MGLL: variants seen among roughly 807,000 people sequenced by gnomAD.
MGLL encodes monoglyceride lipase, also known as lysophospholipase homolog.
In MGLL, 7 loss-of-function variants were observed where a neutral mutation model predicts 29.1. That is an observed-to-expected ratio of 0.24 (90% CI 0.14 to 0.45). The LOEUF is 0.45. MGLL is among the 20% of genes least tolerant of loss of function. The probability of loss-of-function intolerance (pLI) is 0.99; values close to 1 mark genes in which losing one functional copy is unlikely to be tolerated. For synonymous variants in MGLL, 148 were observed against 168.3 expected, an observed-to-expected ratio of 0.88 and a Z score of 0.93; for missense variants, 356 against 413.6, an observed-to-expected ratio of 0.86 and a Z score of 1.21.
intron 5 of MGLL, chr3:127,715,698 G>A (rs1013417614): frequency 5.0e-5 from 23 of 456,618 alleles, no homozygotes; most frequent in Non-Finnish European, 7.5e-5. Context: ...GCGGCATGAC[G>A]AGGAAGCAGT....
intron 5 of MGLL, among the ~76,000 whole-genome samples, chr3:127,717,926 A>G (rs1219713512): frequency 1.3e-5 from 2 of 152,188 alleles, no homozygotes; most frequent in African/African-American, 4.8e-5. Context: ...GACCTCACAA[A>G]TAGCCAGATT....
intron 2 of MGLL, among the ~76,000 whole-genome samples, chr3:127,816,429 C>T (rs918875642): frequency 2.6e-5 from 4 of 152,090 alleles, no homozygotes; most frequent in African/African-American, 7.2e-5. Context: ...TCAGGAAGGC[C>T]GTGGGGATGG....
At chr3:127,742,933 G>C (rs1393386499) in intron 3 of MGLL, among the ~76,000 whole-genome samples, 3 of 152,294 alleles carry the variant, frequency 2.0e-5, no homozygotes, top group African/African-American at 4.8e-5. Flanking sequence ...TCCTGCCTCA[G>C]CCTCTCGAGT....
At chr3:127,751,602 G>A (rs2076559957) in intron 3 of MGLL, among the ~76,000 whole-genome samples, 1 of 151,918 alleles carries the variant, frequency 6.6e-6, no homozygotes, top group Non-Finnish European at 1.5e-5. Context: ...CAGCCCAGCT[G>A]AGCCCAGACG....
intron 5 of MGLL, among the ~76,000 whole-genome samples, chr3:127,715,314 T>C (rs1477907948): frequency 6.6e-6 from 1 of 152,184 alleles, no homozygotes; most frequent in Non-Finnish European, 1.5e-5. Flanking sequence ...CCATAAGAGA[T>C]GTTTGCATAG....
chr3:127,781,609 C>G (rs1037481458), intron 3 of MGLL, among the ~76,000 whole-genome samples, 180 bp downstream of exon 3: 1 of 152,222 alleles, frequency 6.6e-6, no homozygotes, highest in Admixed American at 6.5e-5. Context: ...CAGTCTCAGA[C>G]TACAGAATCT....
At chr3:127,757,980 A>G (rs2107678241) in intron 3 of MGLL, among the ~76,000 whole-genome samples, 1 of 152,304 alleles carries the variant, frequency 6.6e-6, no homozygotes, top group East Asian at 1.9e-4. Context: ...CCTGTTTTAT[A>G]GAGGAGAAAA....
At chr3:127,790,388 G>C (rs555962053) in intron 2 of MGLL, among the ~76,000 whole-genome samples, 22 of 152,220 alleles carry the variant, frequency 1.4e-4, no homozygotes, top group Non-Finnish European at 2.8e-4. Context: ...GCATGGAGCT[G>C]TTAAGAATTT....
intron 2 of MGLL, among the ~76,000 whole-genome samples, chr3:127,804,702 A>G (rs1333083036): frequency 6.6e-6 from 1 of 152,198 alleles, no homozygotes; most frequent in African/African-American, 2.4e-5. Context: ...AACCAAATAA[A>G]ATAACCTAAG....
At chr3:127,788,867 C>CTGAA (rs1354303510) in intron 2 of MGLL, among the ~76,000 whole-genome samples, 3 of 152,172 alleles carry the variant, frequency 2.0e-5, no homozygotes, top group Non-Finnish European at 1.5e-5. Flanking sequence ...TCCATGAACA[C>CTGAA]TGAATGAATG....
chr3:127,704,183 A>G (rs1403285200), intron 6 of MGLL, among the ~76,000 whole-genome samples: 2 of 152,232 alleles, frequency 1.3e-5, no homozygotes, highest in Non-Finnish European at 2.9e-5. Flanking sequence ...ATATGCAGAA[A>G]ATTTAAACTG....
intron 2 of MGLL, among the ~76,000 whole-genome samples, chr3:127,796,367 AT>A (rs1157932634): frequency 2.6e-5 from 4 of 152,216 alleles, no homozygotes; most frequent in Admixed American, 6.5e-5. Flanking sequence ...CTACAGGACT[AT>A]GTCACCACTA....
intron 2 of MGLL, among the ~76,000 whole-genome samples, chr3:127,808,536 G>A (rs986130629): frequency 6.6e-6 from 1 of 152,178 alleles, no homozygotes; most frequent in East Asian, 1.9e-4. Context: ...ATGATGATAG[G>A]CTAAACTTGT....
chr3:127,803,051 C>T (rs948915136), intron 2 of MGLL, among the ~76,000 whole-genome samples: 68 of 152,064 alleles, frequency 4.5e-4, no homozygotes, highest in African/African-American at 1.5e-3. Flanking sequence ...ACAATTTTGG[C>T]TCACTGCAAC....
At chr3:127,757,430 A>G (rs2076683802) in intron 3 of MGLL, among the ~76,000 whole-genome samples, 1 of 152,184 alleles carries the variant, frequency 6.6e-6, no homozygotes. Context: ...CAGTGCCTGT[A>G]TATAATATAT....
chr3:127,694,822 T>TTTTA (rs1239164720), intron 7 of MGLL, among the ~76,000 whole-genome samples, 153 bp downstream of exon 7: 1 of 152,208 alleles, frequency 6.6e-6, no homozygotes, highest in Non-Finnish European at 1.5e-5. Context: ...CTGGGATTCC[T>TTTTA]TTTATTTATT....
intron 2 of MGLL, among the ~76,000 whole-genome samples, chr3:127,807,748 G>GTTT (rs2077591481): frequency 1.9e-5 from 2 of 104,182 alleles, no homozygotes; most frequent in African/African-American, 3.7e-5. Flanking sequence ...GCTGTGAAAA[G>GTTT]TCTTTTTTTT....
At chr3:127,736,838 G>A (rs968618077) in intron 3 of MGLL, among the ~76,000 whole-genome samples, 2 of 152,166 alleles carry the variant, frequency 1.3e-5, no homozygotes, top group Non-Finnish European at 2.9e-5. Context: ...GGGACCACAA[G>A]CGCATGTCAC....
At chr3:127,813,392 T>G (rs1357799642) in intron 2 of MGLL, among the ~76,000 whole-genome samples, 2 of 152,138 alleles carry the variant, frequency 1.3e-5, no homozygotes, top group African/African-American at 2.4e-5. Flanking sequence ...CGGGCATCAC[T>G]TAGGTGCCCA....
Sources: allele counts gnomAD v4.1 joint callset (sites outside exome capture counted in the v4.1 genomes callset), GRCh38; gene constraint gnomAD v4.1.1; transcripts MANE v1.5; gene names NCBI Gene and HGNC (gene_info 2026-07-23, HGNC 2026-07-21).